The following KRTAP21-3 variants were observed in gnomAD, a reference collection of about 807,000 sequenced individuals.
KRTAP21-3 encodes the protein keratin-associated protein 21-3.
For synonymous variants in KRTAP21-3, 22 were observed against 23.4 expected (o/e 0.94, Z 0.17); for missense variants, 65 against 70.3 (o/e 0.92, Z 0.27).
Position 30,718,537 on chromosome 21 carries a change from G to T in KRTAP21-3, c.*46C>A. ...ACGGAGAACTATCAGGATTGAAGGT[G>T]ATTAAAGCAGAACAGATCTTTGAGA... On this transcript the variant is annotated 3_prime_UTR_variant, in exon 1 of 1. Coordinates refer to ENST00000444335, the MANE Select transcript of KRTAP21-3 (RefSeq NM_001164435.1). 1 of 1,424,994 alleles carries T rather than the reference G, an allele frequency of 7.0e-7. No homozygotes were observed. Among genetic ancestry groups the T allele is most frequent in the South Asian group, 1.6e-5 (1 of 61,206 alleles). The allele number at this position is 1,424,994 out of a possible 1,614,324, so 88.3% of individuals were successfully genotyped here.
rs760518532 is a variant in KRTAP21-3 at position 30,718,671 on chromosome 21, C to T, written c.89G>A (p.Cys30Tyr). ...ACAACCATAATAACCGTTACAGCCA[C>T]AGTGGGTGCTGTGTATACAGCCATA... ...CGYGCIHSTH[C>Y]GCNGYYGCYE... The change falls in exon 1 of 1, where the codon TGT becomes TAT. Residue 30 changes from cysteine (C) to tyrosine (Y), a missense_variant. Cys to Tyr is a radical substitution (Grantham distance 194). Transcript: ENST00000444335. 716 of 1,549,404 alleles carry T rather than the reference C, an allele frequency of 4.6e-4. No individual in the cohort carries two copies. The highest frequency in any genetic ancestry group is 5.8e-4 in the Non-Finnish European group (665 of 1,146,190).
rs1278090933 is a variant in KRTAP21-3, at chr21:30,718,725, C to T, written c.35G>A (p.Cys12Tyr). 6 of 1,542,276 alleles carry T rather than the reference C, an allele frequency of 3.9e-6. No homozygotes were observed. The highest frequency in any genetic ancestry group is 5.2e-6 in the Non-Finnish European group (6 of 1,143,852). ...ACAACCATAGCAAGAGCCAAATCCA[C>T]AGCTCCCACACACACTTTTGTAATT... is the stretch of plus-strand genomic sequence containing the variant. ...YFNYKSVCGS[C>Y]GFGSCYGCGY... Residue 12 changes from cysteine (C) to tyrosine (Y), a missense_variant, in exon 1 of 1, where the codon TGT becomes TAT. Physicochemically the swap from Cys to Tyr is radical, Grantham distance 194. Coordinates refer to ENST00000444335, the MANE Select transcript of KRTAP21-3 (RefSeq NM_001164435.1).
chr21:30,718,555 C>T lies in KRTAP21-3; in HGVS notation c.*28G>A. The stretch of plus-strand genomic sequence containing the variant: ...TGAAGGTGATTAAAGCAGAACAGAT[C>T]TTTGAGAAACTAAATAAGAAACAAT... On this transcript the variant is annotated 3_prime_UTR_variant, in exon 1 of 1. Transcript: ENST00000444335. 6.7e-7 allele frequency: 1 copy of T among 1,490,682 alleles called. No homozygotes were observed. The highest frequency in any genetic ancestry group is 8.9e-7 in the Non-Finnish European group (1 of 1,120,842). 92.3% of individuals were successfully genotyped at this position (1,490,682 alleles called of 1,614,324 possible). A position where few individuals can be genotyped will look rare whatever the true frequency, so the allele number is the denominator to read the frequency against.
Position 30,718,732 on chromosome 21 carries a change from C to T in KRTAP21-3, c.28G>A (p.Gly10Arg). The T allele has an allele frequency of 2.0e-6, 3 of 1,537,852 alleles. No individual in the cohort carries two copies. Among genetic ancestry groups the T allele is most frequent in the Non-Finnish European group, 2.6e-6 (3 of 1,142,408 alleles). ...TAGCAAGAGCCAAATCCACAGCTCC[C>T]ACACACACTTTTGTAATTGAAATAC... is the stretch of plus-strand genomic sequence containing the variant. MYFNYKSVC[G>R]SCGFGSCYGC... The change falls in exon 1 of 1, where the codon GGG (glycine) becomes AGG (arginine). Residue 10 changes from glycine (G) to arginine (R), a missense_variant. Gly to Arg is a moderately radical substitution (Grantham distance 125). Coordinates refer to ENST00000444335, the MANE Select transcript of KRTAP21-3 (RefSeq NM_001164435.1).
Position 30,718,661 on chromosome 21 carries a change from G to A in KRTAP21-3, c.99C>T (p.Asn33=), listed in dbSNP as rs574955204. Residue 33 remains asparagine, a synonymous_variant, in exon 1 of 1, where the codon AAC becomes AAT. Coordinates refer to ENST00000444335, the MANE Select transcript of KRTAP21-3 (RefSeq NM_001164435.1). ...TATTTTCATAACAACCATAATAACC[G>A]TTACAGCCACAGTGGGTGCTGTGTA... ...GCIHSTHCGC[N]GYYGCYENKY... is the part of the protein sequence containing the mutation. 218 of 1,548,866 alleles carry A rather than the reference G, an allele frequency of 1.4e-4. No individual in the cohort carries two copies. Among genetic ancestry groups the A allele is most frequent in the South Asian group, 9.7e-4 (81 of 83,436 alleles).
In KRTAP21-3 at chr21:30,718,713, G is replaced by T; in HGVS notation, c.47C>A (p.Ser16Tyr). Residue 16 changes from serine (S) to tyrosine (Y), a missense_variant, in exon 1 of 1, where the codon TCT (serine) becomes TAT (tyrosine). Ser to Tyr is a moderately radical substitution (Grantham distance 144, BLOSUM62 -2). Transcript: ENST00000444335. ...ACAGCCATACCCACAACCATAGCAA[G>T]AGCCAAATCCACAGCTCCCACACAC... is the stretch of plus-strand genomic sequence containing the variant. The part of the protein sequence containing the change: ...KSVCGSCGFG[S>Y]CYGCGYGCIH... The T allele has an allele frequency of 6.5e-7, 1 of 1,544,564 alleles. No homozygotes were observed. The highest frequency in any genetic ancestry group is 8.7e-7 in the Non-Finnish European group (1 of 1,144,544).
Position 30,718,769 on chromosome 21 carries a change from A to G in KRTAP21-3, c.-10T>C. 1 of 1,500,212 alleles carries G rather than the reference A, an allele frequency of 6.7e-7. No homozygotes were observed. The highest frequency in any genetic ancestry group is 8.9e-7 in the Non-Finnish European group (1 of 1,127,628). 92.9% of individuals were successfully genotyped at this position (1,500,212 alleles called of 1,614,324 possible). On this transcript the variant is annotated 5_prime_UTR_variant, in exon 1 of 1. Transcript: ENST00000444335. ...TGTAATTGAAATACATAGTGTCAGG[A>G]GATGAGAATTCAGCCAGGTAACAGC...
chr21:30,718,728 C>T lies in KRTAP21-3; in HGVS notation c.32G>A (p.Ser11Asn), dbSNP rs557522417. MYFNYKSVCG[S>N]CGFGSCYGCG... ...ACCATAGCAAGAGCCAAATCCACAG[C>T]TCCCACACACACTTTTGTAATTGAA... Residue 11 changes from serine (S) to asparagine (N), a missense_variant, in exon 1 of 1, where the codon AGC becomes AAC. Transcript: ENST00000444335. 1.8e-5 allele frequency: 27 copies of T among 1,538,824 alleles called. No homozygotes were observed. The African/African-American group carries it at 3.5e-4, about 20-fold the overall frequency.
Position 30,718,629 on chromosome 21 carries a change from G to A in KRTAP21-3, c.131C>T (p.Ser44Phe). 6.5e-7 allele frequency: 1 copy of A among 1,547,516 alleles called. No individual in the cohort carries two copies. The highest frequency in any genetic ancestry group is 2.5e-5 in the East Asian group (1 of 40,708). ...GYYGCYENKY[S>F]VIDDLIFFAS... ...AAAAAATATCAGATCATCTATAACA[G>A]AATATTTATTTTCATAACAACCATA... Residue 44 changes from serine to phenylalanine, a missense_variant, in exon 1 of 1, where the codon TCT becomes TTT. Ser to Phe is a radical substitution (Grantham distance 155, BLOSUM62 -2). Transcript: ENST00000444335.
rs200714660 is a variant in KRTAP21-3, at chr21:30,718,574, A to G, written c.*9T>C. On this transcript the variant is annotated 3_prime_UTR_variant, in exon 1 of 1. Coordinates refer to ENST00000444335, the MANE Select transcript of KRTAP21-3 (RefSeq NM_001164435.1). The stretch of plus-strand genomic sequence containing the variant: ...ACAGATCTTTGAGAAACTAAATAAG[A>G]AACAATGCTCAATGGCATTTCTTAG... 8.1e-5 allele frequency: 123 copies of G among 1,516,096 alleles called. No individual in the cohort carries two copies. Among genetic ancestry groups the G allele is most frequent in the Middle Eastern group, 1.8e-4 (1 of 5,628 alleles). The allele number at this position is 1,516,096 out of a possible 1,614,324, so 93.9% of individuals were successfully genotyped here. A position where few individuals can be genotyped will look rare whatever the true frequency, so the allele number is the denominator to read the frequency against.
chr21:30,718,577 C>A lies in KRTAP21-3; in HGVS notation c.*6G>T. The A allele has an allele frequency of 1.3e-6, 2 of 1,515,416 alleles. No homozygotes were observed. Among genetic ancestry groups the A allele is most frequent in the Admixed American group, 2.2e-5 (1 of 44,640 alleles). 93.9% of individuals were successfully genotyped at this position (1,515,416 alleles called of 1,614,324 possible). On this transcript the variant is annotated 3_prime_UTR_variant, in exon 1 of 1. Transcript: ENST00000444335. ...GATCTTTGAGAAACTAAATAAGAAA[C>A]AATGCTCAATGGCATTTCTTAGAAG...
At position 30,718,595 on chromosome 21, in the gene KRTAP21-3, C is replaced by T. The variant is rs553216446; in HGVS notation, c.165G>A (p.Lys55=). Residue 55 remains lysine, a synonymous_variant, in exon 1 of 1, where the codon AAG becomes AAA. Coordinates refer to ENST00000444335, the MANE Select transcript of KRTAP21-3 (RefSeq NM_001164435.1). ...VIDDLIFFAS[K]KCH is the part of the protein sequence containing the mutation. The stretch of plus-strand genomic sequence containing the variant: ...TAAGAAACAATGCTCAATGGCATTT[C>T]TTAGAAGCAAAAAATATCAGATCAT... 2.2e-4 allele frequency: 343 copies of T among 1,530,976 alleles called. No homozygotes were observed. The highest frequency in any genetic ancestry group is 2.9e-4 in the Non-Finnish European group (333 of 1,138,946). The allele number at this position is 1,530,976 out of a possible 1,614,324, so 94.8% of individuals were successfully genotyped here.
In KRTAP21-3 at chr21:30,718,588, G is replaced by A. The variant is rs1028461122; in HGVS notation, c.172C>T (p.His58Tyr). ...DLIFFASKKCH is the reference protein window; with the variant it reads ...DLIFFASKKCY The stretch of plus-strand genomic sequence containing the variant: ...AACTAAATAAGAAACAATGCTCAAT[G>A]GCATTTCTTAGAAGCAAAAAATATC... Residue 58 changes from histidine to tyrosine, a missense_variant, in exon 1 of 1, where the codon CAT becomes TAT. His to Tyr is a moderately conservative substitution (Grantham distance 83). Transcript: ENST00000444335. The A allele has an allele frequency of 6.5e-7, 1 of 1,529,034 alleles. No homozygotes were observed. The highest frequency in any genetic ancestry group is 8.8e-7 in the Non-Finnish European group (1 of 1,136,808). 94.7% of individuals were successfully genotyped at this position (1,529,034 alleles called of 1,614,324 possible). A position where few individuals can be genotyped will look rare whatever the true frequency, so the allele number is the denominator to read the frequency against.
chr21:30,718,615 G>T lies in KRTAP21-3; in HGVS notation c.145C>A (p.Leu49Met). The T allele has an allele frequency of 6.5e-7, 1 of 1,533,044 alleles. No homozygotes were observed. The highest frequency in any genetic ancestry group is 8.8e-7 in the Non-Finnish European group (1 of 1,140,612). 95.0% of individuals were successfully genotyped at this position (1,533,044 alleles called of 1,614,324 possible). Reference protein sequence around the residue: ...YENKYSVIDDLIFFASKKCH With the variant: ...YENKYSVIDDMIFFASKKCH ...CATTTCTTAGAAGCAAAAAATATCA[G>T]ATCATCTATAACAGAATATTTATTT... Residue 49 changes from leucine to methionine, a missense_variant, in exon 1 of 1, where the codon CTG becomes ATG. Leu to Met is a conservative substitution (Grantham distance 15). Transcript: ENST00000444335.
In KRTAP21-3 at chr21:30,718,562, AAACT is replaced by A; in HGVS notation, c.*17_*20del. 1 of 1,499,586 alleles carries A rather than the reference AAACT, an allele frequency of 6.7e-7. No individual in the cohort carries two copies. Among genetic ancestry groups the A allele is most frequent in the Non-Finnish European group, 8.9e-7 (1 of 1,124,854 alleles). 92.9% of individuals were successfully genotyped at this position (1,499,586 alleles called of 1,614,324 possible). On this transcript the variant is annotated 3_prime_UTR_variant, in exon 1 of 1. Transcript: ENST00000444335. ...GATTAAAGCAGAACAGATCTTTGAG[AAACT>A]AAATAAGAAACAATGCTCAATGGCA...
chr21:30,718,559 G>A lies in KRTAP21-3; in HGVS notation c.*24C>T. On this transcript the variant is annotated 3_prime_UTR_variant, in exon 1 of 1. Coordinates refer to ENST00000444335, the MANE Select transcript of KRTAP21-3 (RefSeq NM_001164435.1). ...GGTGATTAAAGCAGAACAGATCTTT[G>A]AGAAACTAAATAAGAAACAATGCTC... is the stretch of plus-strand genomic sequence containing the variant. The A allele has an allele frequency of 6.7e-7, 1 of 1,494,710 alleles. No individual in the cohort carries two copies. The highest frequency in any genetic ancestry group is 1.4e-5 in the South Asian group (1 of 72,890). The allele number at this position is 1,494,710 out of a possible 1,614,324, so 92.6% of individuals were successfully genotyped here. A position where few individuals can be genotyped will look rare whatever the true frequency, so the allele number is the denominator to read the frequency against.
At position 30,718,662 on chromosome 21, in the gene KRTAP21-3, T is replaced by C. The variant is rs1568924551; in HGVS notation, c.98A>G (p.Asn33Ser). 12 of 1,549,712 alleles carry C rather than the reference T, an allele frequency of 7.7e-6. No individual in the cohort carries two copies. The highest frequency in any genetic ancestry group is 9.6e-6 in the Non-Finnish European group (11 of 1,146,270). Residue 33 changes from asparagine to serine, a missense_variant, in exon 1 of 1, where the codon AAC becomes AGC. By Grantham distance (46) the Asn-to-Ser change is conservative. Coordinates refer to ENST00000444335, the MANE Select transcript of KRTAP21-3 (RefSeq NM_001164435.1). The part of the protein sequence containing the change: ...GCIHSTHCGC[N>S]GYYGCYENKY... Reference sequence around the variant, plus strand: ...ATTTTCATAACAACCATAATAACCGTTACAGCCACAGTGGGTGCTGTGTAT... The same window carrying C: ...ATTTTCATAACAACCATAATAACCGCTACAGCCACAGTGGGTGCTGTGTAT...
At chr21:30,718,602 GC>G in the KRTAP21-3 span, 1 of 1,531,232 alleles carries the variant, frequency 6.5e-7, no homozygotes, top group Non-Finnish European at 8.8e-7. Flanking sequence ...TTTCTTAGAA[GC>G]AAAAAATATC....
In KRTAP21-3 at chr21:30,718,687, T is replaced by TACAGCCATACCC. The variant is rs1982973598; in HGVS notation, c.61_72dup (p.Gly21_Cys24dup). 1 of 1,548,096 alleles carries TACAGCCATACCC rather than the reference T, an allele frequency of 6.5e-7. No homozygotes were observed. The highest frequency in any genetic ancestry group is 8.7e-7 in the Non-Finnish European group (1 of 1,145,668). On this transcript the variant is annotated inframe_insertion, in exon 1 of 1. Coordinates refer to ENST00000444335, the MANE Select transcript of KRTAP21-3 (RefSeq NM_001164435.1). ...TTACAGCCACAGTGGGTGCTGTGTA[T>TACAGCCATACCC]ACAGCCATACCCACAACCATAGCAA...
Sources: gnomAD v4.1 joint callset for allele counts on GRCh38, gnomAD v4.1.1 for gene constraint, MANE v1.5 for transcripts, NCBI Gene and HGNC (gene_info 2026-07-23, HGNC 2026-07-21) for gene names.